The following FNDC3B variants were observed in gnomAD, a reference collection of about 807,000 sequenced individuals.
FNDC3B encodes the protein fibronectin type III domain-containing protein 3B.
Under a neutral mutation model 151.5 loss-of-function variants are expected in FNDC3B, and 12 were observed. The observed-to-expected ratio is 0.08, with a 90% confidence interval of 0.05 to 0.13. The LOEUF (loss-of-function observed/expected upper bound fraction) is 0.13, where lower values mean the gene tolerates loss of function less well. Among genes scored for constraint, FNDC3B ranks in the 10% least tolerant of loss-of-function variants. FNDC3B has a pLI of 1.00. For synonymous variants in FNDC3B, 528 were observed against 549.0 expected (o/e 0.96, Z 0.54); for missense variants, 1,214 against 1,505.3 (o/e 0.81, Z 3.20).
chr3:172,279,898 T>G (rs1312032139), intron 6 of FNDC3B, among the ~76,000 whole-genome samples: 1 of 150,916 alleles, frequency 6.6e-6, no homozygotes, highest in Non-Finnish European at 1.5e-5. Flanking sequence ...CAACACATAT[T>G]CGTTGTTGTT....
Position 172,257,058 on chromosome 3 carries a change from C to A in FNDC3B, c.790+5517C>A, listed in dbSNP as rs1057039168. On this transcript the variant is annotated intron_variant, in intron 6 of 25. Transcript: ENST00000415807. ...GCAATTCTCCTGGGATTACAGGCAC[C>A]TGCCACCATGCCTGGCTAATTTTTG... is the stretch of plus-strand genomic sequence containing the variant. Among the ~76,000 whole-genome samples the A allele has an allele frequency of 3.3e-5, 5 of 152,162 alleles. No homozygotes were observed. In the Middle Eastern group the frequency reaches 0.01, roughly 311 times the overall value.
chr3:172,134,851 T>TG (rs1721282733), intron 3 of FNDC3B, among the ~76,000 whole-genome samples: 1 of 152,106 alleles, frequency 6.6e-6, no homozygotes, highest in Non-Finnish European at 1.5e-5. Flanking sequence ...ATGCACAATA[T>TG]GGGGAAACTT....
intron 1 of FNDC3B, among the ~76,000 whole-genome samples, chr3:172,101,559 G>A (rs1360312816): frequency 6.6e-6 from 1 of 151,932 alleles, no homozygotes; most frequent in African/African-American, 2.4e-5. Context: ...CCTTCTTTTG[G>A]AATATTGTTA....
intron 1 of FNDC3B, among the ~76,000 whole-genome samples, chr3:172,091,415 G>T (rs1160235468): frequency 6.6e-6 from 1 of 152,160 alleles, no homozygotes; most frequent in East Asian, 1.9e-4. Flanking sequence ...ACATATGGAA[G>T]AAAAGGTAGA....
At chr3:172,364,128 C>T (rs1407587594) in intron 23 of FNDC3B, among the ~76,000 whole-genome samples, 2 of 152,058 alleles carry the variant, frequency 1.3e-5, no homozygotes, top group Non-Finnish European at 2.9e-5. Flanking sequence ...AATTCATATC[C>T]ACTGATACAC....
intron 25 of FNDC3B, among the ~76,000 whole-genome samples, chr3:172,392,407 G>A (rs1208752120): frequency 6.6e-6 from 1 of 152,178 alleles, no homozygotes; most frequent in African/African-American, 2.4e-5. Flanking sequence ...TAGTCACTAA[G>A]CAAAAATATA....
At chr3:172,198,901 C>G (rs1446519627) in intron 3 of FNDC3B, among the ~76,000 whole-genome samples, 1 of 152,176 alleles carries the variant, frequency 6.6e-6, no homozygotes, top group East Asian at 1.9e-4. Context: ...TCATGGCTCT[C>G]TGCAGCCTTG....
chr3:172,317,081 T>C (rs935573512), intron 11 of FNDC3B: 3 of 418,842 alleles, frequency 7.2e-6, no homozygotes, highest in Non-Finnish European at 1.4e-5. Flanking sequence ...AAAATGGCAA[T>C]GCATTTGTGA....
chr3:172,371,395 G>A (rs1459401080), intron 23 of FNDC3B, among the ~76,000 whole-genome samples: 1 of 152,140 alleles, frequency 6.6e-6, no homozygotes. Context: ...GGAACCTAGG[G>A]ATATGGAGGG....
rs2108696287 is a variant in FNDC3B at position 172,204,883 on chromosome 3, A to G, written c.188-21988A>G. 2.0e-5 allele frequency among the ~76,000 whole-genome samples: 3 copies of G among 152,298 alleles called. 1 individual carries two copies. The South Asian group carries it at 6.2e-4, about 32-fold the overall frequency. ...GAAAAACAACATTGCTGATAATGAA[A>G]CTCAGTGAGCACATGGCATGCACAG... On this transcript the variant is annotated intron_variant, in intron 3 of 25. Transcript: ENST00000415807.
intron 2 of FNDC3B, among the ~76,000 whole-genome samples, chr3:172,130,525 AG>A (rs946669139): frequency 9.2e-5 from 14 of 152,010 alleles, no homozygotes; most frequent in African/African-American, 3.1e-4. Flanking sequence ...CTCAGTAAGC[AG>A]GGGGGGAAGG....
At chr3:172,272,764 A>C (rs1729260416) in intron 6 of FNDC3B, among the ~76,000 whole-genome samples, 1 of 152,178 alleles carries the variant, frequency 6.6e-6, no homozygotes, top group African/African-American at 2.4e-5. Context: ...CCTGCTAGGG[A>C]AATCAACTTT....
At chr3:172,331,518 C>T (rs1055220547) in intron 13 of FNDC3B, among the ~76,000 whole-genome samples, 8 of 152,146 alleles carry the variant, frequency 5.3e-5, no homozygotes, top group Middle Eastern at 3.4e-3. Flanking sequence ...CCACCACACC[C>T]GGCTAATTTT....
intron 4 of FNDC3B, among the ~76,000 whole-genome samples, chr3:172,234,875 T>A (rs905201961): frequency 6.6e-5 from 10 of 152,210 alleles, no homozygotes; most frequent in African/African-American, 2.4e-4. Context: ...CAAGGTTAGA[T>A]GAATTTTATA....
chr3:172,097,455 A>T (rs565439939), intron 1 of FNDC3B, among the ~76,000 whole-genome samples: 102 of 152,350 alleles, frequency 6.7e-4, no homozygotes, highest in African/African-American at 2.3e-3. Context: ...GTGGTTTGAA[A>T]GTATTTCCTC....
In FNDC3B at chr3:172,400,123, A is replaced by G. The variant is rs1201171470; in HGVS notation, c.*2648A>G. 3.3e-5 allele frequency: 5 copies of G among 152,396 alleles called. No homozygotes were observed. Among genetic ancestry groups the G allele is most frequent in the East Asian group, 3.9e-4 (2 of 5,188 alleles). The allele number at this position is 152,396 out of a possible 1,614,324, so 9.4% of individuals were successfully genotyped here. A position where few individuals can be genotyped will look rare whatever the true frequency, so the allele number is the denominator to read the frequency against. The stretch of plus-strand genomic sequence containing the variant: ...CACGAACAATAAAATAAAGTGTTCT[A>G]TTAACCTGATCTCTTTGCCCTTTTG... On this transcript the variant is annotated 3_prime_UTR_variant, in exon 26 of 26. Coordinates refer to ENST00000415807, the MANE Select transcript of FNDC3B (RefSeq NM_022763.4).
intron 4 of FNDC3B, among the ~76,000 whole-genome samples, chr3:172,244,617 C>T (rs1404338792): frequency 1.4e-5 from 1 of 73,064 alleles, no homozygotes; most frequent in Non-Finnish European, 2.3e-5. Context: ...AATATTTCAC[C>T]TTTTTTTTTT....
At chr3:172,359,769 T>C (rs1351272459) in intron 22 of FNDC3B, among the ~76,000 whole-genome samples, 1 of 152,236 alleles carries the variant, frequency 6.6e-6, no homozygotes, top group Non-Finnish European at 1.5e-5. Context: ...TTCAGTGTTA[T>C]ACCGAGAGAC....
chr3:172,256,449 T>G (rs1728350935), intron 6 of FNDC3B, among the ~76,000 whole-genome samples: 1 of 152,212 alleles, frequency 6.6e-6, no homozygotes. Context: ...ATGGAAAAAT[T>G]TGTTCTTGTG....
Sources: allele counts gnomAD v4.1 joint callset (sites outside exome capture counted in the v4.1 genomes callset), GRCh38; gene constraint gnomAD v4.1.1; transcripts MANE v1.5; gene names NCBI Gene and HGNC (gene_info 2026-07-23, HGNC 2026-07-21).